TTC1: variants seen among roughly 807,000 people sequenced by gnomAD.
TTC1 encodes the protein tetratricopeptide repeat protein 1.
TTC1 carries 31 observed loss-of-function variants against 37.6 expected under a neutral mutation model. That is an observed-to-expected ratio of 0.82 (90% CI 0.62 to 1.11). The LOEUF (loss-of-function observed/expected upper bound fraction) is 1.11. Among genes scored for constraint, TTC1 ranks in the 50% most tolerant of loss-of-function variants. TTC1 has a pLI of 0.00. For synonymous variants in TTC1, 127 were observed against 122.4 expected, an observed-to-expected ratio of 1.04 and a Z score of -0.25; for missense variants, 351 against 339.0, an observed-to-expected ratio of 1.04 and a Z score of -0.28.
chr5:160,051,308 C>G (rs1338596285), intron 7 of TTC1, 125 bp downstream of exon 7: 2 of 723,798 alleles, frequency 2.8e-6, no homozygotes, highest in African/African-American at 1.8e-5. Flanking sequence ...CTACTGACTT[C>G]TGAGTTATTT....
intron 1 of TTC1, among the ~76,000 whole-genome samples, 192 bp from the exon 2 acceptor site, chr5:160,010,308 G>C (rs1033452851): frequency 6.7e-6 from 1 of 148,604 alleles, no homozygotes; most frequent in Non-Finnish European, 1.5e-5. Flanking sequence ...GACCAGAAAA[G>C]GGGTCTCAGT....
intron 2 of TTC1, among the ~76,000 whole-genome samples, chr5:160,017,121 A>G (rs1756620274): frequency 6.6e-6 from 1 of 152,232 alleles, no homozygotes; most frequent in African/African-American, 2.4e-5. Flanking sequence ...AGGTATGTGA[A>G]GCAAATAACT....
intron 7 of TTC1, among the ~76,000 whole-genome samples, chr5:160,052,523 T>A (rs1422872082): frequency 8.9e-6 from 1 of 112,812 alleles, no homozygotes; most frequent in African/African-American, 3.5e-5. Context: ...CACCTATTTT[T>A]ACTAACAATG....
At chr5:160,025,946 C>A (rs562522163) in intron 2 of TTC1, among the ~76,000 whole-genome samples, 2 of 152,050 alleles carry the variant, frequency 1.3e-5, no homozygotes, top group African/African-American at 2.4e-5. Flanking sequence ...TTTAACTTGG[C>A]GTAAAGTGGG....
rs1757586995 is a variant in TTC1, at chr5:160,057,966, C to A, written c.745+6783C>A. On this transcript the variant is annotated intron_variant, in intron 7 of 7. Coordinates refer to ENST00000231238, the MANE Select transcript of TTC1 (RefSeq NM_003314.3). This position sits in a 1 kb window ranked among gnomAD's most constrained non-coding sequence, Gnocchi z 4.4. Reference sequence around the variant, plus strand: ...TATTTTTGTAGAGATGGGTTTTCACCATGTTGGCCAGGCTGGTCTCGAACT... The same window carrying A: ...TATTTTTGTAGAGATGGGTTTTCACAATGTTGGCCAGGCTGGTCTCGAACT... Among the ~76,000 whole-genome samples the A allele has an allele frequency of 6.6e-6, 1 of 152,180 alleles. No homozygotes were observed. The highest frequency in any genetic ancestry group is 1.5e-5 in the Non-Finnish European group (1 of 68,040).
intron 2 of TTC1, among the ~76,000 whole-genome samples, chr5:160,033,666 A>G (rs1756954397): frequency 6.6e-6 from 1 of 152,204 alleles, no homozygotes; most frequent in Non-Finnish European, 1.5e-5. Context: ...TGATGGTTTT[A>G]AAGTGTGGCA....
chr5:160,038,067 G>A (rs985262382), intron 4 of TTC1, among the ~76,000 whole-genome samples: 2 of 151,752 alleles, frequency 1.3e-5, no homozygotes, highest in Non-Finnish European at 2.9e-5. Context: ...TGAATGCTTG[G>A]ACATGCAGAA....
chr5:160,026,635 G>A (rs1756811837), intron 2 of TTC1, among the ~76,000 whole-genome samples: 1 of 152,172 alleles, frequency 6.6e-6, no homozygotes, highest in African/African-American at 2.4e-5. Flanking sequence ...TAAGGTTGCT[G>A]TTTACACAGT....
chr5:160,064,260 C>T (rs1423954315), intron 7 of TTC1, among the ~76,000 whole-genome samples: 3 of 152,182 alleles, frequency 2.0e-5, no homozygotes, highest in African/African-American at 4.8e-5. Context: ...TGAGCCACCA[C>T]GCCCATCCTA....
At chr5:160,028,778 C>T (rs1405560570) in intron 2 of TTC1, among the ~76,000 whole-genome samples, 1 of 152,100 alleles carries the variant, frequency 6.6e-6, no homozygotes, top group Non-Finnish European at 1.5e-5. Flanking sequence ...CTGGCCTGCC[C>T]AGTTTTGTGG....
In TTC1 at chr5:160,065,224, AGG is replaced by A; in HGVS notation, c.*161_*162del. 1 of 1,019,800 alleles carries A rather than the reference AGG, an allele frequency of 9.8e-7. No individual in the cohort carries two copies. The highest frequency in any genetic ancestry group is 1.5e-6 in the Non-Finnish European group (1 of 678,438). The allele number at this position is 1,019,800 out of a possible 1,614,324, so 63.2% of individuals were successfully genotyped here. Reference sequence around the variant, plus strand: ...GCTCCCTTGTCCCTCTTTTATGATCAGGGTGAAATGTACTTCCTGATGTAATG... The same window carrying A: ...GCTCCCTTGTCCCTCTTTTATGATCAGTGAAATGTACTTCCTGATGTAATG... On this transcript the variant is annotated 3_prime_UTR_variant, in exon 8 of 8. Coordinates refer to ENST00000231238, the MANE Select transcript of TTC1 (RefSeq NM_003314.3).
At chr5:160,043,800 A>G (rs1757145095) in intron 5 of TTC1, among the ~76,000 whole-genome samples, 1 of 152,230 alleles carries the variant, frequency 6.6e-6, no homozygotes, top group African/African-American at 2.4e-5. Flanking sequence ...TTCAAGTGTC[A>G]TAATTCTTCC....
In TTC1 at chr5:160,010,619, C is replaced by T; in HGVS notation, c.91C>T (p.Pro31Ser). ...TACTCAGGAAGCCGAGTGTGCTGGC[C>T]CTCCAGTTCCTGATCCCAAAAATCA... ...TDTQEAECAG[P>S]PVPDPKNQHS... Residue 31 changes from proline to serine, a missense_variant, in exon 2 of 8, where the codon CCT (proline) becomes TCT (serine). Transcript: ENST00000231238. 3 of 1,614,016 alleles carry T rather than the reference C, an allele frequency of 1.9e-6. No homozygotes were observed. The highest frequency in any genetic ancestry group is 2.5e-6 in the Non-Finnish European group (3 of 1,180,018).
intron 2 of TTC1, among the ~76,000 whole-genome samples, chr5:160,021,218 G>C (rs930732660): frequency 1.3e-5 from 2 of 152,194 alleles, no homozygotes; most frequent in Non-Finnish European, 2.9e-5. Flanking sequence ...TGTTTTGTTA[G>C]CAAGCCTCCC....
intron 2 of TTC1, among the ~76,000 whole-genome samples, chr5:160,012,030 A>C (rs75131745): frequency 0.037 from 5,565 of 152,282 alleles, 134 homozygotes; most frequent in East Asian, 0.12. Flanking sequence ...CACCACCAGA[A>C]CAGGAGGAAA....
At chr5:160,011,878 A>G (rs931843705) in intron 2 of TTC1, among the ~76,000 whole-genome samples, 1 of 150,316 alleles carries the variant, frequency 6.7e-6, no homozygotes, top group African/African-American at 2.4e-5. Context: ...GAGATAATAA[A>G]TGTTCAGCCT....
At position 160,065,520 on chromosome 5, in the gene TTC1, G is replaced by T; in HGVS notation, c.*455G>T. ...TCCAGCATTTCCTGATTTCCTCTGTGGTAATAAAAGCTTTCTGTGCTTAGG... is the reference window on the plus strand; with the variant it reads ...TCCAGCATTTCCTGATTTCCTCTGTTGTAATAAAAGCTTTCTGTGCTTAGG... On this transcript the variant is annotated 3_prime_UTR_variant, in exon 8 of 8. Coordinates refer to ENST00000231238, the MANE Select transcript of TTC1 (RefSeq NM_003314.3). 1 of 405,750 alleles carries T rather than the reference G, an allele frequency of 2.5e-6. No individual in the cohort carries two copies. The highest frequency in any genetic ancestry group is 1.8e-5 in the South Asian group (1 of 55,582). 25.1% of individuals were successfully genotyped at this position (405,750 alleles called of 1,614,324 possible).
At chr5:160,056,636 T>C (rs532602062) in intron 7 of TTC1, among the ~76,000 whole-genome samples, 2 of 152,210 alleles carry the variant, frequency 1.3e-5, no homozygotes, top group African/African-American at 4.8e-5. Flanking sequence ...GGTGGGAGGA[T>C]TGCTTGAGCC....
intron 5 of TTC1, among the ~76,000 whole-genome samples, chr5:160,049,043 A>G (rs370520797): frequency 2.6e-5 from 4 of 152,224 alleles, no homozygotes; most frequent in South Asian, 2.1e-4. Context: ...GGCAAAAACC[A>G]GGACTTGGAG....
Sources: gnomAD v4.1 joint callset for allele counts (sites outside exome capture counted in the v4.1 genomes callset) on GRCh38, gnomAD v4.1.1 for gene constraint, Gnocchi (gnomAD v3.1) non-coding constraint, MANE v1.5 for transcripts, NCBI Gene and HGNC (gene_info 2026-07-23, HGNC 2026-07-21) for gene names.